PTK2: variants seen among roughly 807,000 people sequenced by gnomAD.
PTK2 encodes the protein focal adhesion kinase 1.
PTK2 carries 45 observed loss-of-function variants against 150.1 expected under a neutral mutation model. The ratio of observed to expected loss-of-function variants is 0.30; its 90% confidence interval spans 0.24 to 0.38. The LOEUF is 0.38. PTK2 is among the 10% of genes least tolerant of loss of function. The pLI is 1.00. For missense variants in PTK2, 919 were observed against 1,307.3 expected (o/e 0.70, Z 4.58); for synonymous variants, 432 against 449.2 (o/e 0.96, Z 0.48).
At position 140,674,163 on chromosome 8, in the gene PTK2, T is replaced by C. The variant is rs913417218; in HGVS notation, c.2709+135A>G. 4 of 883,136 alleles carry C rather than the reference T, an allele frequency of 4.5e-6. No homozygotes were observed. In the African/African-American group the frequency reaches 6.5e-5, roughly 14 times the overall value. 54.7% of individuals were successfully genotyped at this position (883,136 alleles called of 1,614,324 possible). On this transcript the variant is annotated intron_variant, in intron 29 of 31. Coordinates refer to ENST00000522684, the Ensembl canonical transcript of PTK2. ...AGAACCAGACCAATTGACTCCTGGG[T>C]CTCACTGCAGTTCCACTCTGCACTG...
At chr8:140,671,578 G>A (rs1048379447) in intron 29 of PTK2, among the ~76,000 whole-genome samples, 9 of 151,914 alleles carry the variant, frequency 5.9e-5, no homozygotes, top group African/African-American at 2.2e-4. Context: ...CCTCTACCAA[G>A]CAGACAATGA....
At chr8:140,888,770 T>G (rs2100153198) in intron 3 of PTK2, among the ~76,000 whole-genome samples, 2 of 121,622 alleles carry the variant, frequency 1.6e-5, no homozygotes, top group African/African-American at 5.0e-5. Flanking sequence ...TTGAACATTT[T>G]TGCTAAATGT....
chr8:140,999,639 T>C (rs2100199214), intron 1 of PTK2, among the ~76,000 whole-genome samples: 1 of 152,240 alleles, frequency 6.6e-6, no homozygotes, highest in African/African-American at 2.4e-5. Context: ...ATGTGTCTTG[T>C]AACTAGTTCA....
intron 14 of PTK2, among the ~76,000 whole-genome samples, chr8:140,766,917 G>A (rs1213479928): frequency 2.0e-5 from 3 of 152,182 alleles, no homozygotes; most frequent in Non-Finnish European, 4.4e-5. Context: ...AGACATGACA[G>A]AAAGTTGAGA....
chr8:140,702,670 A>T lies in PTK2; in HGVS notation c.2267T>A (p.Met756Lys). Reference sequence around the variant, plus strand: ...CTGACCTGGATAGATGCTGCCAGCCATGGCTGTGATTCCATGTGAACCAGG... The same window carrying T: ...CTGACCTGGATAGATGCTGCCAGCCTTGGCTGTGATTCCATGTGAACCAGG... Residue 756 changes from methionine (M) to lysine (K), a missense_variant, in exon 25 of 32, where the codon ATG becomes AAG. Met to Lys is a moderately conservative substitution (Grantham distance 95, BLOSUM62 -1). Around this residue, in one of 3 missense-constraint regions of PTK2, gnomAD observed 258 missense variants for 265.4 expected, o/e 0.97. Transcript: ENST00000522684. The T allele has an allele frequency of 2.5e-6, 4 of 1,614,040 alleles. No individual in the cohort carries two copies. The South Asian group carries it at 4.4e-5, about 18-fold the overall frequency.
At chr8:140,786,437 G>C (rs2100084985) in intron 14 of PTK2, among the ~76,000 whole-genome samples, 1 of 152,118 alleles carries the variant, frequency 6.6e-6, no homozygotes, top group Non-Finnish European at 1.5e-5. Flanking sequence ...CGTTTTTCTA[G>C]GTATCGGCTT....
intron 3 of PTK2, 21 bp downstream of exon 3, chr8:140,890,522 C>G (rs2100153859): frequency 1.3e-6 from 2 of 1,584,852 alleles, no homozygotes; most frequent in East Asian, 4.5e-5. Flanking sequence ...TTAAAGATGT[C>G]TCATGGAAAA....
At chr8:140,829,619 T>A (rs1343060253) in intron 8 of PTK2, among the ~76,000 whole-genome samples, 1 of 152,160 alleles carries the variant, frequency 6.6e-6, no homozygotes, top group Admixed American at 6.5e-5. Flanking sequence ...CTTCTCCTGC[T>A]TGGGCTTCAG....
intron 22 of PTK2, chr8:140,721,552 A>T (rs1024746601): frequency 6.6e-6 from 1 of 152,186 alleles, no homozygotes; most frequent in Non-Finnish European, 1.5e-5. Context: ...GGAGTTAAAA[A>T]TATGTATTTT....
intron 2 of PTK2, among the ~76,000 whole-genome samples, chr8:140,904,497 T>C (rs1221727670): frequency 1.3e-5 from 2 of 152,214 alleles, no homozygotes; most frequent in Non-Finnish European, 2.9e-5. Context: ...GGTATCAAGA[T>C]GATGCTGACC....
intron 1 of PTK2, among the ~76,000 whole-genome samples, chr8:140,940,099 G>C (rs1156283333): frequency 1.3e-5 from 2 of 152,178 alleles, no homozygotes; most frequent in African/African-American, 4.8e-5. Context: ...TACACTTACT[G>C]TTCGTATTGA....
At chr8:140,746,716 A>G (rs2100058981) in intron 18 of PTK2, 44 bp downstream of exon 21, 1 of 1,430,956 alleles carries the variant, frequency 7.0e-7, no homozygotes, top group African/African-American at 1.4e-5. Flanking sequence ...AGCAAAAGAT[A>G]TCAAACGCTG....
intron 2 of PTK2, among the ~76,000 whole-genome samples, chr8:140,921,959 C>T (rs1242562734): frequency 6.6e-6 from 1 of 152,086 alleles, no homozygotes. Context: ...CTTTGTTCTC[C>T]GAATGTACAT....
intron 14 of PTK2, among the ~76,000 whole-genome samples, chr8:140,768,123 C>T (rs983522242): frequency 2.6e-5 from 4 of 152,062 alleles, no homozygotes; most frequent in African/African-American, 7.2e-5. Context: ...ATACTAGATG[C>T]TGTTGTAAAT....
chr8:140,754,212 G>A (rs2100064376), intron 16 of PTK2, among the ~76,000 whole-genome samples: 2 of 152,220 alleles, frequency 1.3e-5, no homozygotes, highest in Admixed American at 1.3e-4. Flanking sequence ...GGTGGTAATG[G>A]TGACGTGGTC....
At chr8:140,708,251 T>C (rs1301624309) in intron 23 of PTK2, among the ~76,000 whole-genome samples, 1 of 152,174 alleles carries the variant, frequency 6.6e-6, no homozygotes, top group East Asian at 1.9e-4. Flanking sequence ...CGTGCTTTGC[T>C]CTAGTTAGGT....
At chr8:140,722,469 T>C (rs1029433769) in intron 22 of PTK2, among the ~76,000 whole-genome samples, 1 of 152,134 alleles carries the variant, frequency 6.6e-6, no homozygotes, top group African/African-American at 2.4e-5. Flanking sequence ...AATCTCACTG[T>C]GTTACCCAGG....
intron 23 of PTK2, among the ~76,000 whole-genome samples, chr8:140,711,092 C>A (rs576268521): frequency 5.9e-5 from 9 of 152,058 alleles, no homozygotes; most frequent in Non-Finnish European, 1.3e-4. Context: ...CATGTGCAAT[C>A]ACACCCAGCT....
intron 1 of PTK2, among the ~76,000 whole-genome samples, chr8:140,960,745 G>C (rs952955114): frequency 3.9e-5 from 6 of 152,180 alleles, no homozygotes; most frequent in Non-Finnish European, 8.8e-5. Context: ...ACTTTCGGAG[G>C]CCAAGGCGGG....
Sources: allele counts gnomAD v4.1 joint callset (sites outside exome capture counted in the v4.1 genomes callset), GRCh38; gene constraint gnomAD v4.1.1; regional missense constraint gnomAD v4.1.1; transcripts MANE v1.5; gene names NCBI Gene and HGNC (gene_info 2026-07-23, HGNC 2026-07-21).